Variants in ANKFN1 observed in about 807,000 individuals in gnomAD.
The protein encoded by ANKFN1 is ankyrin repeat and fibronectin type-III domain-containing protein 1.
A neutral mutation model predicts 108.7 loss-of-function variants in ANKFN1; 74 were observed. The observed-to-expected ratio is 0.68, with a 90% confidence interval of 0.56 to 0.83. The LOEUF is 0.83. Among genes scored for constraint, ANKFN1 ranks in the 40% least tolerant of loss-of-function variants. The pLI, the probability that ANKFN1 is intolerant of heterozygous loss-of-function variation, is 0.00. For missense variants in ANKFN1, 1,505 were observed against 1,382.3 expected (o/e 1.09, Z -1.41); for synonymous variants, 547 against 516.2 (o/e 1.06, Z -0.81).
At chr17:56,096,437 T>C (rs937982101) in intron 4 of ANKFN1, among the ~76,000 whole-genome samples, 4 of 152,162 alleles carry the variant, frequency 2.6e-5, no homozygotes, top group African/African-American at 9.6e-5. Flanking sequence ...CAAACAATAG[T>C]CCCAAAGTGC....
chr17:56,093,500 G>A lies in ANKFN1; in HGVS notation c.288+47175G>A, dbSNP rs1382182060. 2.6e-5 allele frequency among the ~76,000 whole-genome samples: 4 copies of A among 150,958 alleles called. 1 individual carries two copies. Among genetic ancestry groups the A allele is most frequent in the Non-Finnish European group, 4.4e-5 (3 of 67,648 alleles). On this transcript the variant is annotated intron_variant, in intron 4 of 12. Coordinates refer to the ANKFN1 transcript ENST00000635860. Reference sequence around the variant, plus strand: ...ATTTCCTTCTCATGGAATACTAAGCGCAAAAAACGGCACCCAGGAATAAAA... The same window carrying A: ...ATTTCCTTCTCATGGAATACTAAGCACAAAAAACGGCACCCAGGAATAAAA...
chr17:56,205,234 G>T (rs765565561), intron 1 of ANKFN1, among the ~76,000 whole-genome samples: 2 of 152,162 alleles, frequency 1.3e-5, no homozygotes, highest in Non-Finnish European at 2.9e-5. Flanking sequence ...GTACAAAGGG[G>T]TGACTACCCA....
intron 2 of ANKFN1, among the ~76,000 whole-genome samples, chr17:56,225,476 T>C (rs1172885957): frequency 6.6e-6 from 1 of 152,190 alleles, no homozygotes; most frequent in East Asian, 1.9e-4. Context: ...TGTAACTTTG[T>C]GTTATATTGT....
intron 8 of ANKFN1, among the ~76,000 whole-genome samples, chr17:56,384,277 A>G (rs2047194633): frequency 6.6e-6 from 1 of 152,214 alleles, no homozygotes; most frequent in African/African-American, 2.4e-5. Flanking sequence ...AAAATTCAAC[A>G]ACCCTTCATG....
intron 3 of ANKFN1, among the ~76,000 whole-genome samples, chr17:56,265,127 A>C (rs1046617301): frequency 1.3e-5 from 2 of 152,206 alleles, no homozygotes; most frequent in Non-Finnish European, 2.9e-5. Flanking sequence ...GAAGTAAAGA[A>C]TCACAGGTAT....
At chr17:56,155,222 CAG>C (rs1908992066) in intron 1 of ANKFN1, among the ~76,000 whole-genome samples, 1 of 152,194 alleles carries the variant, frequency 6.6e-6, no homozygotes, top group Non-Finnish European at 1.5e-5. Context: ...GACATTTATT[CAG>C]AGTCATGAGA....
chr17:56,300,951 G>A (rs1598375842), intron 3 of ANKFN1, among the ~76,000 whole-genome samples: 1 of 152,226 alleles, frequency 6.6e-6, no homozygotes, highest in Non-Finnish European at 1.5e-5. Flanking sequence ...TAAGAGAACT[G>A]TAGCCACTAA....
intron 8 of ANKFN1, among the ~76,000 whole-genome samples, chr17:56,438,872 C>T (rs1322210159): frequency 6.6e-6 from 1 of 152,014 alleles, no homozygotes; most frequent in East Asian, 1.9e-4. Context: ...GAAAAGAGAG[C>T]CAAACATCAA....
chr17:56,219,249 G>A (rs1325211259), intron 2 of ANKFN1, among the ~76,000 whole-genome samples: 1 of 125,226 alleles, frequency 8.0e-6, no homozygotes, highest in Non-Finnish European at 1.5e-5. Flanking sequence ...GTTTTTGTTT[G>A]TTTATTTTTT....
At chr17:56,158,155 G>A (rs184866668) in intron 1 of ANKFN1, among the ~76,000 whole-genome samples, 4 of 152,198 alleles carry the variant, frequency 2.6e-5, no homozygotes, top group Admixed American at 1.3e-4. Context: ...CCATGGACTC[G>A]GGGTTGGATC....
intron 1 of ANKFN1, among the ~76,000 whole-genome samples, chr17:56,198,106 A>G (rs1913684050): frequency 2.6e-5 from 4 of 152,370 alleles, no homozygotes; most frequent in Middle Eastern, 3.4e-3. Flanking sequence ...GAGGTGAAGC[A>G]GTTTCAGGAT....
At chr17:56,146,471 G>A (rs1436640539) in intron 4 of ANKFN1, among the ~76,000 whole-genome samples, 1 of 152,176 alleles carries the variant, frequency 6.6e-6, no homozygotes. Context: ...GCAAACTTCT[G>A]CCTGGACATC....
chr17:56,075,919 A>G (rs1274711704), intron 4 of ANKFN1, among the ~76,000 whole-genome samples: 1 of 152,176 alleles, frequency 6.6e-6, no homozygotes, highest in Admixed American at 6.5e-5. Context: ...TCTGAATTGG[A>G]CAAACTTGAC....
rs1274970274 is a variant in ANKFN1, at chr17:56,097,543, G to A, written c.288+51218G>A. Among the ~76,000 whole-genome samples the A allele has an allele frequency of 2.0e-5, 3 of 152,302 alleles. No individual in the cohort carries two copies. The East Asian group carries it at 5.8e-4, about 29-fold the overall frequency. ...CTGAAAGTTTGTTCTAGGCTTATCT[G>A]CACATCTTCAAAAATGCATCAGTGG... On this transcript the variant is annotated intron_variant, in intron 4 of 12. Transcript: ENST00000635860.
intron 7 of ANKFN1, among the ~76,000 whole-genome samples, chr17:56,374,319 G>T (rs1421094506): frequency 1.3e-5 from 2 of 152,144 alleles, no homozygotes; most frequent in Admixed American, 1.3e-4. Flanking sequence ...TCTCTTCACT[G>T]ATCCAGCCCA....
chr17:56,316,791 C>G (rs1486968429), intron 3 of ANKFN1, among the ~76,000 whole-genome samples: 1 of 152,108 alleles, frequency 6.6e-6, no homozygotes. Flanking sequence ...CTGAGTGGGG[C>G]CACCTAGGGT....
chr17:56,417,934 C>T (rs11079230), intron 8 of ANKFN1, among the ~76,000 whole-genome samples: 86,136 of 152,064 alleles, frequency 0.57, 28,227 homozygotes, highest in East Asian at 0.95. Flanking sequence ...TGGGATGCTT[C>T]GTCTTTTCTA....
chr17:56,482,661 C>A, intron 18 of ANKFN1, 137 bp downstream of exon 18: 1 of 1,083,404 alleles, frequency 9.2e-7, no homozygotes. Flanking sequence ...CTTCCTAGAA[C>A]TGTGTACAAG....
chr17:56,148,326 C>G (rs974781069), intron 4 of ANKFN1, among the ~76,000 whole-genome samples: 1 of 152,174 alleles, frequency 6.6e-6, no homozygotes, highest in Non-Finnish European at 1.5e-5. Context: ...ATTCTTTACA[C>G]GAATGGGATG....
Sources: allele counts gnomAD v4.1 joint callset (sites outside exome capture counted in the v4.1 genomes callset), GRCh38; gene constraint gnomAD v4.1.1; transcripts MANE v1.5; gene names NCBI Gene and HGNC (gene_info 2026-07-23, HGNC 2026-07-21).